The following MTHFD2L variants were observed in gnomAD, a reference collection of about 807,000 sequenced individuals.
The protein encoded by MTHFD2L is methylenetetrahydrofolate dehydrogenase (NADP+ dependent) 2 like.
A neutral mutation model predicts 34.9 loss-of-function variants in MTHFD2L; 29 were observed. The observed-to-expected ratio is 0.83, with a 90% CI of 0.62 to 1.13. The LOEUF (loss-of-function observed/expected upper bound fraction) is 1.13. Among genes scored for constraint, MTHFD2L ranks in the 50% most tolerant of loss-of-function variants. MTHFD2L has a pLI of 0.00. For synonymous variants in MTHFD2L, 167 were observed against 155.7 expected (o/e 1.07, Z -0.54); for missense variants, 481 against 446.5 (o/e 1.08, Z -0.70).
At chr4:74,182,630 C>G (rs1229661131) in intron 3 of MTHFD2L, 2 of 152,112 alleles carry the variant, frequency 1.3e-5, no homozygotes, top group Non-Finnish European at 2.9e-5. Flanking sequence ...CTGTTGTTCT[C>G]TATTTGGAAC....
intron 6 of MTHFD2L, among the ~76,000 whole-genome samples, chr4:74,247,156 G>A (rs1219480677): frequency 6.6e-6 from 1 of 151,102 alleles, no homozygotes; most frequent in Non-Finnish European, 1.5e-5. Context: ...TTATTTCATT[G>A]AGCAGTGGTT....
chr4:74,124,125 C>T (rs1255486910), upstream of MTHFD2L, among the ~76,000 whole-genome samples: 1 of 151,954 alleles, frequency 6.6e-6, no homozygotes, highest in Non-Finnish European at 1.5e-5. Context: ...CAGTGTTCTG[C>T]TGACAAAGGC....
In MTHFD2L at chr4:74,168,091, T is replaced by C. The variant is rs896884811; in HGVS notation, c.144-6415T>C. Among the ~76,000 whole-genome samples, 52 of 152,312 alleles carry C rather than the reference T, an allele frequency of 3.4e-4. 1 individual carries two copies. Among genetic ancestry groups the C allele is most frequent in the African/African-American group, 1.2e-3 (49 of 41,566 alleles). ...GTCTCCACTTCTCCCCTTGATCTCA[T>C]AGAGTCTATCCTTCATATTTTCACC... is the stretch of plus-strand genomic sequence containing the variant. On this transcript the variant is annotated intron_variant, in intron 1 of 7. Transcript: ENST00000325278.
upstream of MTHFD2L, among the ~76,000 whole-genome samples, chr4:74,156,243 C>T (rs1259991470): frequency 6.6e-6 from 1 of 152,100 alleles, no homozygotes; most frequent in African/African-American, 2.4e-5. Context: ...AAACCTCCAC[C>T]CTATCTTCTT....
chr4:74,248,370 T>G (rs1742797246), intron 6 of MTHFD2L, among the ~76,000 whole-genome samples: 1 of 152,238 alleles, frequency 6.6e-6, no homozygotes, highest in Non-Finnish European at 1.5e-5. Context: ...TTCTTCTCTC[T>G]TTTATTCTTT....
At chr4:74,174,307 T>C (rs1728599870) in intron 1 of MTHFD2L, among the ~76,000 whole-genome samples, 199 bp from the exon 2 acceptor site, 1 of 152,112 alleles carries the variant, frequency 6.6e-6, no homozygotes, top group African/African-American at 2.4e-5. Context: ...ACTGTAGAAC[T>C]AAATAACAGA....
At chr4:74,238,281 TGTATTG>T (rs1741147797) in intron 6 of MTHFD2L, among the ~76,000 whole-genome samples, 3 of 152,174 alleles carry the variant, frequency 2.0e-5, no homozygotes, top group Admixed American at 2.0e-4. Context: ...GGAAGGAATG[TGTATTG>T]GTATATATCT....
At chr4:74,255,641 C>T (rs2367745) in intron 6 of MTHFD2L, among the ~76,000 whole-genome samples, 97,443 of 151,914 alleles carry the variant, frequency 0.64, 33,886 homozygotes, top group Middle Eastern at 0.78. Flanking sequence ...CCTTGTTTCC[C>T]CCCTCTCTTC....
At chr4:74,247,235 G>T (rs2110188020) in intron 6 of MTHFD2L, among the ~76,000 whole-genome samples, 1 of 151,866 alleles carries the variant, frequency 6.6e-6, no homozygotes, top group Non-Finnish European at 1.5e-5. Flanking sequence ...TATTCTCTTT[G>T]AAGCAATTGT....
At chr4:74,246,618 C>CA (rs1215823013) in intron 6 of MTHFD2L, among the ~76,000 whole-genome samples, 5 of 152,134 alleles carry the variant, frequency 3.3e-5, no homozygotes, top group Admixed American at 6.5e-5. Flanking sequence ...TTAGGTCTAA[C>CA]ATTTAAGTCT....
At chr4:74,271,319 C>A (rs1176745864) in intron 6 of MTHFD2L, among the ~76,000 whole-genome samples, 2 of 152,154 alleles carry the variant, frequency 1.3e-5, no homozygotes, top group East Asian at 1.9e-4. Context: ...ATATTTAAGT[C>A]TTTAATCCAT....
intron 3 of MTHFD2L, among the ~76,000 whole-genome samples, chr4:74,197,838 A>T (rs1228764675): frequency 1.3e-5 from 2 of 152,188 alleles, no homozygotes; most frequent in African/African-American, 4.8e-5. Flanking sequence ...AGTTCACATT[A>T]TTGCTATATA....
At chr4:74,291,003 C>CTATTTTTTTTTTT (rs1748851193) in intron 7 of MTHFD2L, among the ~76,000 whole-genome samples, 1 of 29,272 alleles carries the variant, frequency 3.4e-5, no homozygotes, top group African/African-American at 1.1e-4. Flanking sequence ...TTTTCCTTTT[C>CTATTTTTTTTTTT]TTTTTTTTTT....
At chr4:74,174,375 AT>A in intron 1 of MTHFD2L, 130 bp from the exon 2 acceptor site, 1 of 566,406 alleles carries the variant, frequency 1.8e-6, no homozygotes, top group Non-Finnish European at 2.7e-6. Context: ...AGGTGTCACT[AT>A]AATTGAAAAA....
At chr4:74,242,813 CTT>C (rs1403801467) in intron 6 of MTHFD2L, among the ~76,000 whole-genome samples, 5 of 152,170 alleles carry the variant, frequency 3.3e-5, no homozygotes, top group Admixed American at 6.5e-5. Flanking sequence ...TCACATGTCT[CTT>C]TTCCTTGGCA....
chr4:74,123,385 T>A (rs1438840754), upstream of MTHFD2L: 1 of 152,220 alleles, frequency 6.6e-6, no homozygotes, highest in African/African-American at 2.4e-5. Context: ...CTCTACTGCT[T>A]TCTTGGCAGT....
intron 2 of MTHFD2L, 124 bp downstream of exon 2, chr4:74,174,814 G>C: frequency 3.0e-6 from 2 of 665,734 alleles, no homozygotes. Flanking sequence ...TATTATTAAA[G>C]ATTATTCAGT....
In MTHFD2L at chr4:74,158,132, C is replaced by G. The variant is rs1265744072; in HGVS notation, c.-7C>G. ...AGCCCCAGTCCGGAAGCCGGGGATCCGCGGCCATGACGGTGCCGGTCCGCG... is the reference window on the plus strand; with the variant it reads ...AGCCCCAGTCCGGAAGCCGGGGATCGGCGGCCATGACGGTGCCGGTCCGCG... On this transcript the variant is annotated 5_prime_UTR_variant, in exon 1 of 8. Coordinates refer to ENST00000325278, the MANE Select transcript of MTHFD2L (RefSeq NM_001144978.3). 5.9e-6 allele frequency: 9 copies of G among 1,530,452 alleles called. No homozygotes were observed. In the East Asian group the frequency reaches 1.5e-4, roughly 25 times the overall value. The allele number at this position is 1,530,452 out of a possible 1,614,324, so 94.8% of individuals were successfully genotyped here. A position where few individuals can be genotyped will look rare whatever the true frequency, so the allele number is the denominator to read the frequency against.
At chr4:74,242,367 G>A (rs1741849183) in intron 6 of MTHFD2L, among the ~76,000 whole-genome samples, 1 of 152,056 alleles carries the variant, frequency 6.6e-6, no homozygotes, top group Non-Finnish European at 1.5e-5. Flanking sequence ...TAATCTTTCA[G>A]TATAGAGTTT....
Sources: allele counts gnomAD v4.1 joint callset (sites outside exome capture counted in the v4.1 genomes callset), GRCh38; gene constraint gnomAD v4.1.1; transcripts MANE v1.5; gene names NCBI Gene and HGNC (gene_info 2026-07-23, HGNC 2026-07-21).